RPH3A: variants seen among roughly 807,000 people sequenced by gnomAD.
RPH3A encodes rabphilin-3A.
RPH3A carries 48 observed loss-of-function variants against 102.2 expected under a neutral mutation model. The ratio of observed to expected loss-of-function variants is 0.47; its 90% CI spans 0.37 to 0.60. RPH3A has a LOEUF of 0.60. Ranked by LOEUF, RPH3A falls within the 20% of genes least tolerant of loss-of-function variation. The probability of loss-of-function intolerance (pLI) is 0.00; values close to 1 mark genes in which losing one functional copy is unlikely to be tolerated. For synonymous variants in RPH3A, 310 were observed against 324.3 expected (o/e 0.96, Z 0.47); for missense variants, 781 against 910.1 (o/e 0.86, Z 1.83).
intron 1 of RPH3A, among the ~76,000 whole-genome samples, chr12:112,619,961 C>T (rs1025990360): frequency 3.3e-5 from 5 of 152,300 alleles, no homozygotes; most frequent in African/African-American, 1.2e-4. Flanking sequence ...AAATAGTTCA[C>T]ATAACTAAAA....
intron 2 of RPH3A, among the ~76,000 whole-genome samples, chr12:112,822,613 G>A (rs1217554835): frequency 1.3e-5 from 2 of 152,146 alleles, no homozygotes; most frequent in African/African-American, 4.8e-5. Flanking sequence ...AGTCTTTGTA[G>A]CAGTCTGAGA....
At chr12:112,831,732 C>T (rs1417478009) in intron 3 of RPH3A, 2 of 454,650 alleles carry the variant, frequency 4.4e-6, no homozygotes, top group South Asian at 1.6e-5. Context: ...TGATTTATCC[C>T]TTGTTCTTGA....
chr12:112,735,780 C>A (rs746834154), intron 1 of RPH3A, among the ~76,000 whole-genome samples: 1 of 152,200 alleles, frequency 6.6e-6, no homozygotes, highest in Non-Finnish European at 1.5e-5. Flanking sequence ...TCAGTTCTGA[C>A]CTGCTCATTG....
intron 1 of RPH3A, among the ~76,000 whole-genome samples, chr12:112,732,411 C>T (rs746616137): frequency 6.6e-5 from 10 of 152,178 alleles, no homozygotes; most frequent in East Asian, 1.9e-4. Context: ...ATTTCTTACC[C>T]GTAACATGGG....
chr12:112,788,860 C>G (rs2041068289), upstream of RPH3A, among the ~76,000 whole-genome samples: 1 of 152,082 alleles, frequency 6.6e-6, no homozygotes, highest in Admixed American at 6.6e-5. Context: ...AATCACTCTT[C>G]AAATGTTTAT....
chr12:112,821,549 T>A (rs1354037754), intron 2 of RPH3A, among the ~76,000 whole-genome samples: 1 of 152,190 alleles, frequency 6.6e-6, no homozygotes, highest in Non-Finnish European at 1.5e-5. Flanking sequence ...CTGCCTGAAA[T>A]GCTCTCCCCC....
intron 1 of RPH3A, among the ~76,000 whole-genome samples, chr12:112,613,358 G>T (rs2039653674): frequency 6.6e-6 from 1 of 152,072 alleles, no homozygotes; most frequent in African/African-American, 2.4e-5. Context: ...TGGCCTCGCG[G>T]TTCTAAGAAT....
At chr12:112,763,895 G>T (rs369820715) in intron 1 of RPH3A, among the ~76,000 whole-genome samples, 5 of 152,198 alleles carry the variant, frequency 3.3e-5, no homozygotes, top group African/African-American at 7.2e-5. Flanking sequence ...TGAAGCAAGT[G>T]TGTGGTGGTC....
chr12:112,792,598 G>A (rs572162335), intron 2 of RPH3A, among the ~76,000 whole-genome samples: 2 of 152,286 alleles, frequency 1.3e-5, no homozygotes, highest in Admixed American at 6.5e-5. Context: ...TTAACCCTTC[G>A]TGGGGCTGGC....
chr12:112,634,717 A>G (rs148298410), intron 1 of RPH3A, among the ~76,000 whole-genome samples: 1 of 152,332 alleles, frequency 6.6e-6, no homozygotes, highest in East Asian at 1.9e-4. Flanking sequence ...GGGGCACAGC[A>G]TTACATAATC....
intron 1 of RPH3A, among the ~76,000 whole-genome samples, chr12:112,655,563 C>CTTTTTTTTTTTT (rs71086113): frequency 1.8e-5 from 1 of 55,570 alleles, no homozygotes; most frequent in Non-Finnish European, 3.3e-5. Flanking sequence ...TTTTGTTGGT[C>CTTTTTTTTTTTT]TTTTTTTTTT....
intron 4 of RPH3A, 42 bp downstream of exon 4, chr12:112,836,544 T>G (rs376597141): frequency 9.2e-7 from 1 of 1,082,236 alleles, no homozygotes; most frequent in African/African-American, 1.6e-5. Flanking sequence ...TTTTACAAAC[T>G]GTATTTTATC....
At chr12:112,884,682 C>T (rs1009945754) in intron 16 of RPH3A, among the ~76,000 whole-genome samples, 5 of 152,188 alleles carry the variant, frequency 3.3e-5, no homozygotes, top group African/African-American at 7.2e-5. Flanking sequence ...AACAATTTTA[C>T]AAGACATGCA....
At chr12:112,713,016 C>CTTTGT in intron 1 of RPH3A, among the ~76,000 whole-genome samples, 1 of 74,078 alleles carries the variant, frequency 1.3e-5, no homozygotes, top group East Asian at 3.6e-4. Flanking sequence ...TCTTCCTCTT[C>CTTTGT]CTCTTCCTCT....
At chr12:112,859,062 G>C (rs913358308) in intron 5 of RPH3A, among the ~76,000 whole-genome samples, 3 of 152,220 alleles carry the variant, frequency 2.0e-5, no homozygotes, top group Non-Finnish European at 4.4e-5. Context: ...CTTAATGTGA[G>C]AGAAAGGGAT....
At chr12:112,620,696 C>T (rs1225696310) in intron 1 of RPH3A, among the ~76,000 whole-genome samples, 2 of 152,132 alleles carry the variant, frequency 1.3e-5, no homozygotes, top group Non-Finnish European at 2.9e-5. Flanking sequence ...ATCCAAACTC[C>T]TGATATTCAC....
chr12:112,857,234 AG>A (rs1335252332), intron 5 of RPH3A, among the ~76,000 whole-genome samples: 1 of 152,202 alleles, frequency 6.6e-6, no homozygotes, highest in Non-Finnish European at 1.5e-5. Flanking sequence ...AGTTGGATTC[AG>A]ACCCAAATCA....
intron 3 of RPH3A, 39 bp downstream of exon 3, chr12:112,828,428 G>A: frequency 2.7e-6 from 4 of 1,472,000 alleles, no homozygotes; most frequent in Non-Finnish European, 3.7e-6. Flanking sequence ...CTTGTTTTGA[G>A]TCGATGAGGT....
intron 1 of RPH3A, among the ~76,000 whole-genome samples, chr12:112,599,786 T>A (rs533579442): frequency 1.2e-3 from 181 of 152,324 alleles, no homozygotes; most frequent in African/African-American, 4.2e-3. Flanking sequence ...AAAAGTTAAA[T>A]GCAGTGTTTC....
Sources: allele counts gnomAD v4.1 joint callset (sites outside exome capture counted in the v4.1 genomes callset), GRCh38; gene constraint gnomAD v4.1.1; transcripts MANE v1.5; gene names NCBI Gene and HGNC (gene_info 2026-07-23, HGNC 2026-07-21).